The following PHKA2 variants were observed in gnomAD, a reference collection of about 807,000 sequenced individuals.
PHKA2 encodes the protein phosphorylase b kinase regulatory subunit alpha, liver isoform.
Under a neutral mutation model 102.0 loss-of-function variants are expected in PHKA2, and 31 were observed. The ratio of observed to expected loss-of-function variants is 0.30; its 90% CI spans 0.23 to 0.41. The LOEUF is 0.41. Among genes scored for constraint, PHKA2 ranks in the 10% least tolerant of loss-of-function variants. The pLI is 1.00. For synonymous variants in PHKA2, 455 were observed against 416.2 expected, an observed-to-expected ratio of 1.09 and a Z score of -1.13; for missense variants, 858 against 1,023.1, an observed-to-expected ratio of 0.84 and a Z score of 2.20.
intron 21 of PHKA2, 75 bp from the exon 22 acceptor site, chrX:18,908,131 T>A: frequency 9.9e-7 from 1 of 1,014,152 alleles, no homozygotes; most frequent in Non-Finnish European, 1.4e-6. Context: ...CACTGTGCAT[T>A]TTGCACAGCA....
chrX:18,984,083 T>C lies in PHKA2; in HGVS notation c.-151A>G, dbSNP rs1469534001. 1 of 501,263 alleles carries C rather than the reference T, an allele frequency of 2.0e-6. No homozygotes were observed. Among genetic ancestry groups the C allele is most frequent in the African/African-American group, 2.3e-5 (1 of 43,321 alleles). The allele number at this position is 501,263 out of a possible 1,213,427, so 41.3% of individuals were successfully genotyped here. On this transcript the variant is annotated 5_prime_UTR_variant, in exon 1 of 33. Coordinates refer to ENST00000379942, the MANE Select transcript of PHKA2 (RefSeq NM_000292.3). ...GGGCCGGAGGAGGTCGAGACTTTTC[T>C]AAACGCTAGCCCCAAAGTCCGGTTG...
At chrX:18,916,154 C>T (rs2048017186) in intron 19 of PHKA2, among the ~76,000 whole-genome samples, 1 of 112,319 alleles carries the variant, frequency 8.9e-6, no homozygotes, top group Admixed American at 9.4e-5. Context: ...GTGGCTCACG[C>T]CTGTAATCCC....
intron 19 of PHKA2, among the ~76,000 whole-genome samples, chrX:18,914,805 T>C (rs1569302754): frequency 9.0e-6 from 1 of 111,708 alleles, no homozygotes; most frequent in African/African-American, 3.3e-5. Context: ...ACTAGGAGAT[T>C]GTAGAGTATC....
intron 1 of PHKA2, among the ~76,000 whole-genome samples, chrX:18,961,589 C>T (rs1336150226): frequency 2.2e-5 from 2 of 92,368 alleles, no homozygotes; most frequent in Non-Finnish European, 4.1e-5. Context: ...ACCCGGGAGG[C>T]GGAGGTTGCA....
intron 1 of PHKA2, among the ~76,000 whole-genome samples, chrX:18,958,568 C>A (rs1039651336): frequency 9.3e-6 from 1 of 108,104 alleles, no homozygotes; most frequent in Admixed American, 9.9e-5. Flanking sequence ...AAAGTGATAT[C>A]TCATCACCAT....
chrX:18,894,144 C>A, intron 32 of PHKA2, 60 bp downstream of exon 32: 1 of 1,021,035 alleles, frequency 9.8e-7, no homozygotes, highest in Non-Finnish European at 1.4e-6. Context: ...CTATTGGACA[C>A]AGAATCTCCA....
chrX:18,933,791 A>T (rs1339481227), intron 11 of PHKA2, among the ~76,000 whole-genome samples: 1 of 111,697 alleles, frequency 9.0e-6, no homozygotes, highest in Admixed American at 9.5e-5. Context: ...AGTGCCTAGC[A>T]CACCAGTGTA....
In PHKA2 at chrX:18,962,726, T is replaced by G. The variant is rs745893692; in HGVS notation, c.79-8314A>C. Among the ~76,000 whole-genome samples the G allele has an allele frequency of 3.6e-5, 4 of 112,456 alleles. No homozygotes were observed. In the East Asian group the frequency reaches 1.1e-3, roughly 32 times the overall value. ...AATTTTAACAGCACCCTACCAACAG[T>G]GTGAGTACCACGTACCAGAAAGCCA... On this transcript the variant is annotated intron_variant, in intron 1 of 32. Coordinates refer to ENST00000379942, the MANE Select transcript of PHKA2 (RefSeq NM_000292.3).
At chrX:18,901,383 C>G in intron 27 of PHKA2, 102 bp downstream of exon 27, 1 of 571,487 alleles carries the variant, frequency 1.7e-6, no homozygotes, top group East Asian at 3.3e-5. Flanking sequence ...ACTCTACAGA[C>G]AGTGGGCTGC....
intron 1 of PHKA2, among the ~76,000 whole-genome samples, chrX:18,972,567 G>C (rs2049030866): frequency 8.9e-6 from 1 of 112,033 alleles, no homozygotes; most frequent in Non-Finnish European, 1.9e-5. Flanking sequence ...TCCCTCAATA[G>C]AGCTTTATAA....
chrX:18,923,047 CT>C lies in PHKA2; in HGVS notation c.1793+1008del, dbSNP rs775796728. Among the ~76,000 whole-genome samples, 86 of 82,496 alleles carry C rather than the reference CT, an allele frequency of 1.0e-3. 1 individual carries two copies. The highest frequency in any genetic ancestry group is 2.2e-3 in the African/African-American group (44 of 20,262). 71.6% of individuals were successfully genotyped at this position (82,496 alleles called of 115,157 possible). On this transcript the variant is annotated intron_variant, in intron 17 of 32. Coordinates refer to ENST00000379942, the MANE Select transcript of PHKA2 (RefSeq NM_000292.3). ...GGCTGAGCTACACAGTGAGATTCTC[CT>C]TTTTTTTTTTTTTTTTTTTGAGACG...
rs2147795992 is a variant in PHKA2 at position 18,892,748 on chromosome X, T to G, written c.*737A>C. On this transcript the variant is annotated 3_prime_UTR_variant, in exon 33 of 33. Coordinates refer to ENST00000379942, the MANE Select transcript of PHKA2 (RefSeq NM_000292.3). ...GGCTATAAGAGGAGCCTTGTCTTTT[T>G]TTTTTTTTTTTTCTAGATTCCAGAA... 1 of 109,676 alleles carries G rather than the reference T, an allele frequency of 9.1e-6. No homozygotes were observed. The highest frequency in any genetic ancestry group is 2.9e-4 in the East Asian group (1 of 3,497). The allele number at this position is 109,676 out of a possible 1,213,427, so 9.0% of individuals were successfully genotyped here.
rs949776669 is a variant in PHKA2, at chrX:18,984,069, G to C, written c.-137C>G. On this transcript the variant is annotated 5_prime_UTR_variant, in exon 1 of 33. Coordinates refer to ENST00000379942, the MANE Select transcript of PHKA2 (RefSeq NM_000292.3). ...CTTGGGATGGGACCGGGCCGGAGGA[G>C]GTCGAGACTTTTCTAAACGCTAGCC... 7.6e-6 allele frequency: 4 copies of C among 526,790 alleles called. No individual in the cohort carries two copies. Among genetic ancestry groups the C allele is most frequent in the Non-Finnish European group, 1.3e-5 (4 of 298,094 alleles). The allele number at this position is 526,790 out of a possible 1,213,427, so 43.4% of individuals were successfully genotyped here.
At chrX:18,899,990 A>G (rs905847138) in intron 28 of PHKA2, among the ~76,000 whole-genome samples, 2 of 111,792 alleles carry the variant, frequency 1.8e-5, no homozygotes, top group Admixed American at 1.9e-4. Context: ...ACCCACGGTC[A>G]GGCCATCGGG....
At position 18,983,876 on chromosome X, in the gene PHKA2, C is replaced by T; in HGVS notation, c.57G>A (p.Gln19=). Reference sequence around the variant, plus strand: ...TTACCTGGTAACACAGGATGGTTTGCTGCACCAGCCGCGCGTACCCGTCCA... The same window carrying T: ...TTACCTGGTAACACAGGATGGTTTGTTGCACCAGCCGCGCGTACCCGTCCA... ...VRLDGYARLV[Q]QTILCYQNPV... is the part of the protein sequence containing the mutation. Residue 19 remains glutamine (Q), a synonymous_variant, in exon 1 of 33, where the codon CAG becomes CAA. Transcript: ENST00000379942. The T allele has an allele frequency of 8.3e-7, 1 of 1,211,206 alleles. No homozygotes were observed. The highest frequency in any genetic ancestry group is 1.1e-6 in the Non-Finnish European group (1 of 894,643).
chrX:18,897,151 G>A lies in PHKA2; in HGVS notation c.3282+12C>T, dbSNP rs368324210. ...ACGGTTCACTTCCCCAGGAGCTCGC[G>A]TCTCGGCTTACCTTCTGGAGGATCT... On this transcript the variant is annotated intron_variant, in intron 30 of 32. Coordinates refer to ENST00000379942, the MANE Select transcript of PHKA2 (RefSeq NM_000292.3). The A allele has an allele frequency of 1.8e-5, 22 of 1,208,598 alleles. No homozygotes were observed. Among genetic ancestry groups the A allele is most frequent in the African/African-American group, 1.0e-4 (6 of 57,179 alleles).
chrX:18,931,683 C>T lies in PHKA2; in HGVS notation c.1203G>A (p.Leu401=). Residue 401 remains leucine (L), a synonymous_variant, in exon 12 of 33, where the codon CTG becomes CTA. Coordinates refer to ENST00000379942, the MANE Select transcript of PHKA2 (RefSeq NM_000292.3). ...DRVPMGKVPH[L]WGQSLYILSS... ...TGAGGATGTACAAGGATTGGCCCCA[C>T]AGATGAGGCACCTTCCCCATAGGAA... The T allele has an allele frequency of 8.3e-7, 1 of 1,207,316 alleles. No individual in the cohort carries two copies.
intron 29 of PHKA2, chrX:18,897,557 C>G: frequency 2.4e-6 from 1 of 424,659 alleles, no homozygotes; most frequent in South Asian, 3.6e-5. Flanking sequence ...GCCCTGCCCC[C>G]CGAGAGGCAG....
intron 3 of PHKA2, among the ~76,000 whole-genome samples, chrX:18,951,683 G>A: frequency 9.0e-6 from 1 of 111,611 alleles, no homozygotes; most frequent in Non-Finnish European, 1.9e-5. Flanking sequence ...CTTTTCTTGC[G>A]CTGACTGAGA....
Sources: gnomAD v4.1 joint callset for allele counts (sites outside exome capture counted in the v4.1 genomes callset) on GRCh38, gnomAD v4.1.1 for gene constraint, MANE v1.5 for transcripts, NCBI Gene and HGNC (gene_info 2026-07-23, HGNC 2026-07-21) for gene names.